The following FANCD2 variants were observed in gnomAD, a reference collection of about 807,000 sequenced individuals.
The protein encoded by FANCD2 is Fanconi anemia group D2 protein.
FANCD2 carries 131 observed loss-of-function variants against 192.3 expected under a neutral mutation model. The ratio of observed to expected loss-of-function variants is 0.68; its 90% CI spans 0.59 to 0.79. The LOEUF (loss-of-function observed/expected upper bound fraction) is 0.79, where lower values mean the gene tolerates loss of function less well. Ranked by LOEUF, FANCD2 falls within the 30% of genes least tolerant of loss-of-function variation. FANCD2 has a pLI of 0.00. For missense variants in FANCD2, 1,508 were observed against 1,701.6 expected, an observed-to-expected ratio of 0.89 and a Z score of 2.00; for synonymous variants, 524 against 612.5, an observed-to-expected ratio of 0.86 and a Z score of 2.13.
intron 7 of FANCD2, among the ~76,000 whole-genome samples, chr3:10,037,345 C>G (rs752304714): frequency 4.6e-5 from 7 of 152,092 alleles, no homozygotes; most frequent in Non-Finnish European, 7.4e-5. Context: ...TTCCTACTCT[C>G]AAAGGGTCTC....
chr3:10,060,195 G>T, intron 18 of FANCD2, 99 bp from the exon 19 acceptor site: 1 of 760,854 alleles, frequency 1.3e-6, no homozygotes. Context: ...GTTAGTAAAC[G>T]GTAAACGCCT....
chr3:10,056,930 C>T (rs1414889845), intron 18 of FANCD2, among the ~76,000 whole-genome samples: 1 of 152,100 alleles, frequency 6.6e-6, no homozygotes, highest in East Asian at 1.9e-4. Flanking sequence ...TCTTGGCTTA[C>T]TGCAACCTCC....
chr3:10,075,726 T>TA (rs1412459689), intron 29 of FANCD2, among the ~76,000 whole-genome samples: 1 of 120,072 alleles, frequency 8.3e-6, no homozygotes, highest in South Asian at 2.7e-4. Flanking sequence ...AGAAATAGTA[T>TA]CCTTTTTTTT....
At chr3:10,057,959 G>T (rs1178966088) in intron 18 of FANCD2, 2 of 354,930 alleles carry the variant, frequency 5.6e-6, no homozygotes, top group Non-Finnish European at 1.1e-5. Context: ...AATAAATAAG[G>T]CAGTGACCAA....
intron 35 of FANCD2, 76 bp from the exon 36 acceptor site, chr3:10,088,752 A>C (rs1229896178): frequency 1.3e-6 from 2 of 1,484,758 alleles, no homozygotes; most frequent in African/African-American, 2.8e-5. Context: ...AATTCAGATC[A>C]TAGAGGAATT....
intron 18 of FANCD2, among the ~76,000 whole-genome samples, chr3:10,054,345 A>ATATACGTATATATG (rs1553609987): frequency 9.9e-5 from 13 of 131,640 alleles, no homozygotes; most frequent in South Asian, 2.3e-4. Flanking sequence ...GCATATATAT[A>ATATACGTATATATG]TATATACGTA....
At chr3:10,041,860 C>A in intron 10 of FANCD2, 150 bp downstream of exon 10, 1 of 653,136 alleles carries the variant, frequency 1.5e-6, no homozygotes, top group Non-Finnish European at 2.8e-6. Context: ...TTTTTTTTCC[C>A]CTCAATGAGT....
intron 35 of FANCD2, 54 bp downstream of exon 35, chr3:10,088,596 C>CT: frequency 7.6e-7 from 1 of 1,307,446 alleles, no homozygotes; most frequent in African/African-American, 1.4e-5. Flanking sequence ...TATTTTGCTA[C>CT]TGTTGTTTGT....
intron 32 of FANCD2, among the ~76,000 whole-genome samples, chr3:10,082,544 T>C (rs1693908287): frequency 1.3e-5 from 2 of 152,204 alleles, no homozygotes; most frequent in Non-Finnish European, 2.9e-5. Flanking sequence ...ATTCCACTTA[T>C]TATGTTATAC....
intron 41 of FANCD2, among the ~76,000 whole-genome samples, chr3:10,095,526 A>G (rs1694901582): frequency 6.6e-6 from 1 of 152,216 alleles, no homozygotes; most frequent in East Asian, 1.9e-4. Context: ...GGTGACAGAA[A>G]TAGAATGCTG....
At chr3:10,028,521 G>C (rs1401319358) in intron 1 of FANCD2, 104 bp from the exon 2 acceptor site, 3 of 750,134 alleles carry the variant, frequency 4.0e-6, no homozygotes, top group Non-Finnish European at 4.7e-6. Context: ...ATGGAGATGT[G>C]AGCCCCTCTG....
rs1193852735 is a variant in FANCD2, at chr3:10,065,487, T to G, written c.2262T>G (p.Gly754=). 6.2e-7 allele frequency: 1 copy of G among 1,601,194 alleles called. No individual in the cohort carries two copies. The highest frequency in any genetic ancestry group is 8.6e-7 in the Non-Finnish European group (1 of 1,168,304). Reference sequence around the variant, plus strand: ...ACGGAAACTTGGAGGAGATTGATGGTCTACTAGGTATGGGATGAAGTCATC... The same window carrying G: ...ACGGAAACTTGGAGGAGATTGATGGGCTACTAGGTATGGGATGAAGTCATC... ...QHNGNLEEID[G]LLDCPIFLTD... The change falls in exon 24 of 44, where the codon GGT becomes GGG. Residue 754 remains glycine, a synonymous_variant. Coordinates refer to ENST00000675286, the MANE Select transcript of FANCD2 (RefSeq NM_001018115.3).
In FANCD2 at chr3:10,087,281, C is replaced by CCTTT; in HGVS notation, c.3466+17_3466+18insCTTT. On this transcript the variant is annotated intron_variant, in intron 34 of 43. Transcript: ENST00000675286. The stretch of plus-strand genomic sequence containing the variant: ...AAAAAATTGGTGATGGGCCTAGATC[C>CCTTT]TTTTTTTTTTTTTTTTTTTAATGAA... The CCTTT allele has an allele frequency of 7.6e-7, 1 of 1,310,526 alleles. No individual in the cohort carries two copies. Among genetic ancestry groups the CCTTT allele is most frequent in the Non-Finnish European group, 1.0e-6 (1 of 996,804 alleles). The allele number at this position is 1,310,526 out of a possible 1,614,324, so 81.2% of individuals were successfully genotyped here.
chr3:10,069,687 C>T (rs1009440559), intron 26 of FANCD2, among the ~76,000 whole-genome samples: 1 of 152,134 alleles, frequency 6.6e-6, no homozygotes, highest in Admixed American at 6.5e-5. Context: ...CGGTCTCCAG[C>T]TCCTAACCGC....
intron 26 of FANCD2, among the ~76,000 whole-genome samples, chr3:10,071,218 G>C (rs1023422528): frequency 3.3e-5 from 5 of 151,644 alleles, no homozygotes; most frequent in African/African-American, 9.7e-5. Context: ...ATGGAGAAAA[G>C]AGAACCTTTG....
At chr3:10,067,131 T>G (rs867091962) in intron 25 of FANCD2, 78 bp from the exon 26 acceptor site, 1 of 939,500 alleles carries the variant, frequency 1.1e-6, no homozygotes, top group South Asian at 1.4e-5. Flanking sequence ...TAGACATCTC[T>G]CAGCTCTGGA....
rs779453561 is a variant in FANCD2 at position 10,081,227 on chromosome 3, A to C, written c.3104A>C (p.Gln1035Pro). 5 of 1,614,164 alleles carry C rather than the reference A, an allele frequency of 3.1e-6. No individual in the cohort carries two copies. In the South Asian group the frequency reaches 5.5e-5, roughly 18 times the overall value. Residue 1035 changes from glutamine (Q) to proline (P), a missense_variant and splice_region_variant, in exon 31 of 44, where the codon CAG becomes CCG. Gln to Pro is a moderately conservative substitution (Grantham distance 76). This residue lies in a region of FANCD2 where 796 missense variants were observed against 879.4 expected (regional missense o/e 0.91). Transcript: ENST00000675286. ...NHLENIHNYF[Q>P]CLAAENHGVV... The stretch of plus-strand genomic sequence containing the variant: ...CTGGAGAACATTCACAACTATTTTC[A>C]GGTCAGAAGCCTAGACTTAGAAGCT...
intron 41 of FANCD2, among the ~76,000 whole-genome samples, chr3:10,096,112 C>G (rs535546427): frequency 3.2e-4 from 49 of 152,250 alleles, no homozygotes; most frequent in Non-Finnish European, 6.0e-4. Context: ...TGAAGAGGAA[C>G]TAGAGGTGTT....
intron 20 of FANCD2, 30 bp from the exon 21 acceptor site, chr3:10,063,762 G>T (rs745901068): frequency 3.7e-6 from 6 of 1,613,726 alleles, no homozygotes; most frequent in Non-Finnish European, 5.1e-6. Flanking sequence ...GGCAGCCCAA[G>T]GTTTAAACCA....
Sources: gnomAD v4.1 joint callset for allele counts (sites outside exome capture counted in the v4.1 genomes callset) on GRCh38, gnomAD v4.1.1 for gene constraint, gnomAD v4.1.1 regional missense constraint, MANE v1.5 for transcripts, NCBI Gene and HGNC (gene_info 2026-07-23, HGNC 2026-07-21) for gene names.